HEY1: variants seen among roughly 807,000 people sequenced by gnomAD.
The protein encoded by HEY1 is hairy/enhancer-of-split related with YRPW motif protein 1.
Under a neutral mutation model 28.7 loss-of-function variants are expected in HEY1, and 9 were observed. The observed-to-expected ratio is 0.31, with a 90% CI of 0.19 to 0.55. HEY1 has a LOEUF of 0.55. HEY1 is among the 20% of genes least tolerant of loss of function. HEY1 has a pLI of 0.93. For synonymous variants in HEY1, 213 were observed against 175.6 expected, an observed-to-expected ratio of 1.21 and a Z score of -1.68; for missense variants, 385 against 399.4, an observed-to-expected ratio of 0.96 and a Z score of 0.31.
rs1472642329 is a variant in HEY1 at position 79,764,571 on chromosome 8, T to C, written c.*617A>G. 4.4e-6 allele frequency: 1 copy of C among 226,248 alleles called. No homozygotes were observed. Among genetic ancestry groups the C allele is most frequent in the Non-Finnish European group, 8.8e-6 (1 of 113,620 alleles). The allele number at this position is 226,248 out of a possible 1,614,324, so 14.0% of individuals were successfully genotyped here. ...TTCAGGGCCACCAACAGTTTGTACA[T>C]TCACCTTTCTGCTATAGGAGGCAGA... is the stretch of plus-strand genomic sequence containing the variant. On this transcript the variant is annotated 3_prime_UTR_variant, in exon 5 of 5. Coordinates refer to ENST00000354724, the MANE Select transcript of HEY1 (RefSeq NM_012258.4).
intron 4 of HEY1, chr8:79,766,433 T>G (rs1351152621): frequency 6.8e-7 from 1 of 1,466,158 alleles, no homozygotes; most frequent in East Asian, 2.4e-5. Context: ...TTCCAAAAGA[T>G]GCACTAGCTC....
At position 79,765,261 on chromosome 8, in the gene HEY1, G is replaced by A. The variant is rs764532628; in HGVS notation, c.842C>T (p.Pro281Leu). ...GTTTGCAGCCTGCGTGGGTGCTGAAGGGCTCAGTGCATTGGGAGACAGTAA... is the reference window on the plus strand; with the variant it reads ...GTTTGCAGCCTGCGTGGGTGCTGAAAGGCTCAGTGCATTGGGAGACAGTAA... ...FHLLSPNALS[P>L]SAPTQAANLG... The change falls in exon 5 of 5, where the codon CCT (proline) becomes CTT (leucine). Residue 281 changes from proline (P) to leucine (L), a missense_variant. Around this residue, in one of 3 missense-constraint regions of HEY1, gnomAD observed 223 missense variants for 215.9 expected, o/e 1.03. Coordinates refer to ENST00000354724, the MANE Select transcript of HEY1 (RefSeq NM_012258.4). The A allele has an allele frequency of 2.0e-5, 31 of 1,554,652 alleles. No individual in the cohort carries two copies. Among genetic ancestry groups the A allele is most frequent in the Non-Finnish European group, 1.7e-5 (20 of 1,148,286 alleles).
intron 4 of HEY1, 56 bp downstream of exon 4, chr8:79,766,595 C>A: frequency 1.9e-6 from 3 of 1,609,212 alleles, no homozygotes; most frequent in Non-Finnish European, 2.5e-6. Flanking sequence ...TGGCCTTCAG[C>A]CGCTGCTCAC....
chr8:79,765,232 C>T lies in HEY1; in HGVS notation c.871G>A (p.Gly291Ser). 6.4e-7 allele frequency: 1 copy of T among 1,553,220 alleles called. No homozygotes were observed. Among genetic ancestry groups the T allele is most frequent in the Non-Finnish European group, 8.7e-7 (1 of 1,147,566 alleles). The change falls in exon 5 of 5, where the codon GGC becomes AGC. Residue 291 changes from glycine to serine, a missense_variant. Gly to Ser is a moderately conservative substitution (Grantham distance 56, BLOSUM62 0). Coordinates refer to ENST00000354724, the MANE Select transcript of HEY1 (RefSeq NM_012258.4). ...GTCCCCCAAGGTCTATAGGGCTTGC[C>T]AAGGTTTGCAGCCTGCGTGGGTGCT... ...PSAPTQAANLGKPYRPWGTEI... is the reference protein window; with the variant it reads ...PSAPTQAANLSKPYRPWGTEI...
intron 4 of HEY1, chr8:79,766,213 C>T (rs1203561612): frequency 2.0e-6 from 3 of 1,534,996 alleles, no homozygotes; most frequent in East Asian, 2.4e-5. Flanking sequence ...CTTGGTCTCC[C>T]GTTAGGTTTC....
In HEY1 at chr8:79,764,484, G is replaced by A; in HGVS notation, c.*704C>T. On this transcript the variant is annotated 3_prime_UTR_variant, in exon 5 of 5. Coordinates refer to ENST00000354724, the MANE Select transcript of HEY1 (RefSeq NM_012258.4). ...CCAAATGAGACCTAACCTATCAGCG[G>A]CTCTCTCCTAACTAAATCAGAACTG... is the stretch of plus-strand genomic sequence containing the variant. 1 of 226,736 alleles carries A rather than the reference G, an allele frequency of 4.4e-6. No individual in the cohort carries two copies. 14.0% of individuals were successfully genotyped at this position (226,736 alleles called of 1,614,324 possible).
At position 79,764,798 on chromosome 8, in the gene HEY1, A is replaced by G. The variant is rs1021020182; in HGVS notation, c.*390T>C. On this transcript the variant is annotated 3_prime_UTR_variant, in exon 5 of 5. Coordinates refer to ENST00000354724, the MANE Select transcript of HEY1 (RefSeq NM_012258.4). ...GGAAAATTAATTCTAAAAACAGACC[A>G]TAACTATACAAGGAGAAAAACAGAC... The G allele has an allele frequency of 3.9e-5, 9 of 228,846 alleles. No homozygotes were observed. The highest frequency in any genetic ancestry group is 1.6e-4 in the African/African-American group (7 of 45,012). 14.2% of individuals were successfully genotyped at this position (228,846 alleles called of 1,614,324 possible).
chr8:79,765,236 G>A lies in HEY1; in HGVS notation c.867C>T (p.Asn289=). ...CCCAAGGTCTATAGGGCTTGCCAAG[G>A]TTTGCAGCCTGCGTGGGTGCTGAAG... ...LSPSAPTQAA[N]LGKPYRPWGT... Residue 289 remains asparagine, a synonymous_variant, in exon 5 of 5, where the codon AAC becomes AAT. Transcript: ENST00000354724. 6.4e-7 allele frequency: 1 copy of A among 1,553,468 alleles called. No individual in the cohort carries two copies. The highest frequency in any genetic ancestry group is 8.7e-7 in the Non-Finnish European group (1 of 1,147,680).
chr8:79,766,935 G>A, intron 3 of HEY1, 74 bp downstream of exon 3: 2 of 1,353,572 alleles, frequency 1.5e-6, no homozygotes, highest in Non-Finnish European at 2.1e-6. Context: ...TTCCAAGGCG[G>A]ATGAGATTAA....
chr8:79,767,556 TCCG>T lies in HEY1; in HGVS notation c.89+16_89+18del. ...GCCTCCCGCTCTGGCTCGGCTCCGCTCCGCCGCCGCCAGCTCACCCATTCTCGT... is the reference window on the plus strand; with the variant it reads ...GCCTCCCGCTCTGGCTCGGCTCCGCTCCGCCGCCAGCTCACCCATTCTCGT... On this transcript the variant is annotated intron_variant, in intron 1 of 4. Coordinates refer to ENST00000354724, the MANE Select transcript of HEY1 (RefSeq NM_012258.4). 1.3e-6 allele frequency: 2 copies of T among 1,588,918 alleles called. No homozygotes were observed. The highest frequency in any genetic ancestry group is 1.7e-5 in the Admixed American group (1 of 57,978).
chr8:79,765,850 T>A (rs551553803), intron 4 of HEY1, 79 bp from the exon 5 acceptor site: 5 of 1,251,244 alleles, frequency 4.0e-6, no homozygotes, highest in Non-Finnish European at 4.4e-6. Flanking sequence ...CAGCCCTTCC[T>A]GGCAGATACC....
rs768365577 is a variant in HEY1 at position 79,765,485 on chromosome 8, G to C, written c.618C>G (p.Thr206=). The part of the protein sequence containing the change: ...LPQNGHGNAG[T]TASPTEPHHQ... Reference sequence around the variant, plus strand: ...GGTGCGGTTCCGTGGGTGAGGCCGTGGTGCCCGCGTTCCCGTGGCCGTTCT... The same window carrying C: ...GGTGCGGTTCCGTGGGTGAGGCCGTCGTGCCCGCGTTCCCGTGGCCGTTCT... Residue 206 remains threonine (T), a synonymous_variant, in exon 5 of 5, where the codon ACC becomes ACG. Transcript: ENST00000354724. 41 of 1,613,398 alleles carry C rather than the reference G, an allele frequency of 2.5e-5. No homozygotes were observed. Among genetic ancestry groups the C allele is most frequent in the Admixed American group, 5.0e-5 (3 of 59,980 alleles).
intron 3 of HEY1, 108 bp from the exon 4 acceptor site, chr8:79,766,840 A>C (rs571430440): frequency 2.2e-6 from 3 of 1,376,528 alleles, no homozygotes; most frequent in Non-Finnish European, 3.1e-6. Context: ...ATCGTAAAGC[A>C]TGGACTAAAG....
At position 79,767,282 on chromosome 8, in the gene HEY1, C is replaced by T. The variant is rs756094898; in HGVS notation, c.102G>A (p.Ser34=). The T allele has an allele frequency of 6.2e-7, 1 of 1,612,108 alleles. No homozygotes were observed. The highest frequency in any genetic ancestry group is 1.7e-5 in the Admixed American group (1 of 59,550). The change falls in exon 2 of 5, where the codon TCG becomes TCA. Residue 34 remains serine, a synonymous_variant. Transcript: ENST00000354724. ...TAGTTGGGGACATGGAACCTAGAGC[C>T]GAACTCAAGTTTCTGAAAAGAGAAA... ...ESADENGNLS[S]ALGSMSPTTS... is the part of the protein sequence containing the mutation.
At chr8:79,767,366 C>T (rs1807871893) in intron 1 of HEY1, 72 bp from the exon 2 acceptor site, 13 of 1,355,878 alleles carry the variant, frequency 9.6e-6, no homozygotes, top group Admixed American at 1.9e-5. Flanking sequence ...GAGAGGTCGC[C>T]CCCACACCCT....
At chr8:79,767,182 A>G in intron 2 of HEY1, 37 bp downstream of exon 2, 1 of 1,591,960 alleles carries the variant, frequency 6.3e-7, no homozygotes, top group Non-Finnish European at 8.6e-7. Flanking sequence ...TCCGTTAATC[A>G]ATAACAAAAA....
chr8:79,767,229 CT>C lies in HEY1; in HGVS notation c.154del (p.Arg52AspfsTer5). On this transcript the variant is annotated frameshift_variant, in exon 2 of 5. Transcript: ENST00000354724. LOFTEE classifies it high-confidence loss of function. The part of the protein sequence containing the change: ...TTSSQILARK[R>X]RRGIIEKRRR... ...TGTAAAGAGACTCACTCCTCTCCGT[CT>C]TTTTCTGGCCAAAATCTGGGAAGAT... The C allele has an allele frequency of 6.2e-7, 1 of 1,613,534 alleles. No homozygotes were observed. Among genetic ancestry groups the C allele is most frequent in the Non-Finnish European group, 8.5e-7 (1 of 1,179,520 alleles).
Position 79,766,665 on chromosome 8 carries a change from G to A in HEY1, c.317C>T (p.Thr106Met), listed in dbSNP as rs532455252. 1 of 1,614,136 alleles carries A rather than the reference G, an allele frequency of 6.2e-7. No homozygotes were observed. Among genetic ancestry groups the A allele is most frequent in the African/African-American group, 1.3e-5 (1 of 75,038 alleles). The change falls in exon 4 of 5, where the codon ACG (threonine) becomes ATG (methionine). Residue 106 changes from threonine (T) to methionine (M), a missense_variant. Thr to Met is a moderately conservative substitution (Grantham distance 81, BLOSUM62 -1). This residue lies in a region of HEY1 where 83 missense variants were observed against 122.7 expected (regional missense o/e 0.68). Coordinates refer to ENST00000354724, the MANE Select transcript of HEY1 (RefSeq NM_012258.4). ...MTVDHLKMLH[T>M]AGGKGYFDAH... Reference sequence around the variant, plus strand: ...AGGAGATGTACCTTTCCCTCCTGCCGTATGCAGCATTTTCAGGTGATCCAC... The same window carrying A: ...AGGAGATGTACCTTTCCCTCCTGCCATATGCAGCATTTTCAGGTGATCCAC...
Position 79,765,186 on chromosome 8 carries a change from C to T in HEY1, c.*2G>A, listed in dbSNP as rs1340989036. The T allele has an allele frequency of 6.5e-7, 1 of 1,541,268 alleles. No homozygotes were observed. The highest frequency in any genetic ancestry group is 1.4e-5 in the African/African-American group (1 of 72,612). ...TCCCCTCCCTCATTCTACATCAGTTCTTTAAAAAGCTCCGATCTCCGTCCC... is the reference window on the plus strand; with the variant it reads ...TCCCCTCCCTCATTCTACATCAGTTTTTTAAAAAGCTCCGATCTCCGTCCC... On this transcript the variant is annotated 3_prime_UTR_variant, in exon 5 of 5. Coordinates refer to ENST00000354724, the MANE Select transcript of HEY1 (RefSeq NM_012258.4).
Sources: allele counts gnomAD v4.1 joint callset, GRCh38; gene constraint gnomAD v4.1.1; regional missense constraint gnomAD v4.1.1; transcripts MANE v1.5; gene names NCBI Gene and HGNC (gene_info 2026-07-23, HGNC 2026-07-21).